RPA3: variants seen among roughly 807,000 people sequenced by gnomAD.
RPA3 encodes the protein replication protein A 14 kDa subunit.
A neutral mutation model predicts 13.7 loss-of-function variants in RPA3; 24 were observed. The observed-to-expected ratio is 1.75, with a 90% CI of 1.27 to 2.46. RPA3 has a LOEUF of 2.46. Among genes scored for constraint, RPA3 ranks in the 30% most tolerant of loss-of-function variants. RPA3 has a pLI of 0.00. For missense variants in RPA3, 183 were observed against 151.0 expected (o/e 1.21, Z -1.11); for synonymous variants, 59 against 51.2 (o/e 1.15, Z -0.65).
At chr7:7,650,738 C>T (rs1785206618) in intron 4 of RPA3, among the ~76,000 whole-genome samples, 1 of 152,208 alleles carries the variant, frequency 6.6e-6, no homozygotes, top group Non-Finnish European at 1.5e-5. Flanking sequence ...ATCCTGAACC[C>T]AGAATGGTCC....
At chr7:7,661,747 C>T (rs548086577) in intron 4 of RPA3, among the ~76,000 whole-genome samples, 1 of 152,300 alleles carries the variant, frequency 6.6e-6, no homozygotes, top group East Asian at 1.9e-4. Flanking sequence ...CTGTCGGCCC[C>T]TGCTGGGAGG....
intron 4 of RPA3, among the ~76,000 whole-genome samples, chr7:7,652,331 C>T (rs768292021): frequency 6.6e-6 from 1 of 152,184 alleles, no homozygotes; most frequent in African/African-American, 2.4e-5. Flanking sequence ...AAGTTTGACT[C>T]AGACTTTGAG....
At chr7:7,704,037 A>T (rs1780532503) in intron 2 of RPA3, among the ~76,000 whole-genome samples, 1 of 152,192 alleles carries the variant, frequency 6.6e-6, no homozygotes, top group African/African-American at 2.4e-5. Flanking sequence ...ACAGTTCTCA[A>T]GGAGATACTT....
rs199808971 is a variant in RPA3, at chr7:7,642,467, T to A, written c.-757-1292A>T. ...AGCCTTGGTGCGTACCCTGTAATAG[T>A]GATTTTTTTTTTTTTTAAAGAGCAC... On this transcript the variant is annotated intron_variant, in intron 4 of 7. Coordinates refer to ENST00000223129, the MANE Select transcript of RPA3 (RefSeq NM_002947.5). 0.013 allele frequency among the ~76,000 whole-genome samples: 497 copies of A among 38,952 alleles called. 15 individuals carry two copies. In the East Asian group the frequency reaches 0.21, roughly 16 times the overall value. The allele number at this position is 38,952 out of a possible 152,430, so 25.6% of individuals were successfully genotyped here.
intron 5 of RPA3, among the ~76,000 whole-genome samples, chr7:7,639,380 G>A (rs1784916630): frequency 6.6e-6 from 1 of 152,144 alleles, no homozygotes; most frequent in Admixed American, 6.5e-5. Flanking sequence ...GTGTTAAGTA[G>A]GTTCTGTATT....
chr7:7,657,844 T>C (rs1785379232), intron 4 of RPA3, among the ~76,000 whole-genome samples: 2 of 152,236 alleles, frequency 1.3e-5, no homozygotes, highest in African/African-American at 4.8e-5. Flanking sequence ...TCTAATTCTG[T>C]GAAGAAAGTC....
At chr7:7,638,771 G>C (rs1784904496) in intron 6 of RPA3, 2 of 241,480 alleles carry the variant, frequency 8.3e-6, no homozygotes, top group Admixed American at 5.5e-5. Flanking sequence ...TCTTGAGGAA[G>C]AAAAAAGCAA....
intron 4 of RPA3, among the ~76,000 whole-genome samples, chr7:7,645,723 GTTTGAACCAAGCTCACATTC>G (rs1173853169): frequency 6.6e-6 from 1 of 151,694 alleles, no homozygotes; most frequent in African/African-American, 2.4e-5. Flanking sequence ...ATTTTTCAGT[GTTTGAACCAAGCTCACATTC>G]TTGGAAGCTT....
In RPA3 at chr7:7,648,736, C is replaced by G. The variant is rs536675939; in HGVS notation, c.-757-7561G>C. The stretch of plus-strand genomic sequence containing the variant: ...CATGGTGGTGTGTGTGCCTGTGGTC[C>G]TAGCTACTTGGGAGGCTGAGGTGGG... On this transcript the variant is annotated intron_variant, in intron 4 of 7. Transcript: ENST00000223129. Among the ~76,000 whole-genome samples, 5 of 152,060 alleles carry G rather than the reference C, an allele frequency of 3.3e-5. No individual in the cohort carries two copies. In the South Asian group the frequency reaches 6.2e-4, roughly 19 times the overall value.
At chr7:7,655,821 C>CTT (rs776619194) in intron 4 of RPA3, among the ~76,000 whole-genome samples, 1 of 150,212 alleles carries the variant, frequency 6.7e-6, no homozygotes. Flanking sequence ...TTAGGACAGT[C>CTT]TCTCTCTCTC....
chr7:7,653,517 C>G (rs776152105), intron 4 of RPA3, among the ~76,000 whole-genome samples: 9 of 152,194 alleles, frequency 5.9e-5, no homozygotes, highest in African/African-American at 1.9e-4. Flanking sequence ...AAAAAAACCT[C>G]TTGAAATTAA....
At chr7:7,656,438 G>C (rs1785345145) in intron 4 of RPA3, among the ~76,000 whole-genome samples, 1 of 152,056 alleles carries the variant, frequency 6.6e-6, no homozygotes, top group Non-Finnish European at 1.5e-5. Flanking sequence ...TCTACATTAG[G>C]TATTTCTTCT....
chr7:7,700,966 C>T (rs1780446990), intron 2 of RPA3, among the ~76,000 whole-genome samples: 1 of 152,138 alleles, frequency 6.6e-6, no homozygotes, highest in Non-Finnish European at 1.5e-5. Flanking sequence ...AAGAGAATTG[C>T]TTGAGCCCAG....
At chr7:7,665,579 T>C (rs902187366) in intron 4 of RPA3, among the ~76,000 whole-genome samples, 3 of 152,226 alleles carry the variant, frequency 2.0e-5, no homozygotes, top group Non-Finnish European at 4.4e-5. Flanking sequence ...TGATGAGTTT[T>C]GATGTGTGCT....
chr7:7,713,640 G>T (rs1268102882), intron 2 of RPA3, among the ~76,000 whole-genome samples: 1 of 151,394 alleles, frequency 6.6e-6, no homozygotes, highest in Non-Finnish European at 1.5e-5. Context: ...AGTTTATTTT[G>T]TTAGTTTCAT....
intron 2 of RPA3, among the ~76,000 whole-genome samples, chr7:7,701,815 G>A (rs138919947): frequency 6.6e-6 from 1 of 152,208 alleles, no homozygotes; most frequent in East Asian, 1.9e-4. Context: ...CCATGTCTCG[G>A]ATGACTGTCT....
chr7:7,694,681 C>CT (rs1189550842), intron 2 of RPA3, among the ~76,000 whole-genome samples: 18 of 152,080 alleles, frequency 1.2e-4, no homozygotes, highest in Non-Finnish European at 1.5e-4. Context: ...AACATAATAT[C>CT]TTTTTTCCAT....
In RPA3 at chr7:7,675,765, C is replaced by T. The variant is rs184853657; in HGVS notation, c.-758+10065G>A. ...AACAGTCATGGTGAGGAATCACTTCCGTCGTAGTTCCAGGATAGCAGTTTA... is the reference window on the plus strand; with the variant it reads ...AACAGTCATGGTGAGGAATCACTTCTGTCGTAGTTCCAGGATAGCAGTTTA... On this transcript the variant is annotated intron_variant, in intron 4 of 7. Transcript: ENST00000223129. Among the ~76,000 whole-genome samples, 16 of 152,268 alleles carry T rather than the reference C, an allele frequency of 1.1e-4. 1 individual carries two copies. Among genetic ancestry groups the T allele is most frequent in the Admixed American group, 5.2e-4 (8 of 15,290 alleles).
chr7:7,644,354 C>CT (rs35141799), intron 4 of RPA3, among the ~76,000 whole-genome samples: 1,511 of 141,842 alleles, frequency 0.011, 21 homozygotes, highest in African/African-American at 0.031. Context: ...TCATTCCATC[C>CT]TTTTTTTTTT....
Sources: gnomAD v4.1 joint callset for allele counts (sites outside exome capture counted in the v4.1 genomes callset) on GRCh38, gnomAD v4.1.1 for gene constraint, MANE v1.5 for transcripts, NCBI Gene and HGNC (gene_info 2026-07-23, HGNC 2026-07-21) for gene names.